The following TRRAP variants were observed in gnomAD, a reference collection of about 807,000 sequenced individuals.
TRRAP encodes the protein transformation/transcription domain-associated protein.
Under a neutral mutation model 438.8 loss-of-function variants are expected in TRRAP, and 41 were observed. That is an observed-to-expected ratio of 0.09 (90% CI 0.07 to 0.12). The LOEUF (loss-of-function observed/expected upper bound fraction) is 0.12. Among genes scored for constraint, TRRAP ranks in the 10% least tolerant of loss-of-function variants. TRRAP has a pLI of 1.00. For missense variants in TRRAP, 3,122 were observed against 5,055.1 expected, an observed-to-expected ratio of 0.62 and a Z score of 11.60; for synonymous variants, 1,994 against 1,962.9, an observed-to-expected ratio of 1.02 and a Z score of -0.42.
Position 98,958,009 on chromosome 7 carries a change from G to A in TRRAP, c.6260G>A (p.Gly2087Glu), listed in dbSNP as rs908254361. 4.0e-5 allele frequency: 64 copies of A among 1,614,022 alleles called. No individual in the cohort carries two copies. The highest frequency in any genetic ancestry group is 5.2e-5 in the Non-Finnish European group (61 of 1,180,030). ...AVFGRSQSLP[G>E]ADSLLAKPID... ...TTTGGGAGGAGCCAGTCGCTACCTG[G>A]AGCAGACTCTCTCCTCGCCAAGCCC... Residue 2087 changes from glycine (G) to glutamate (E), a missense_variant, in exon 44 of 73, where the codon GGA becomes GAA. By Grantham distance (98) the Gly-to-Glu change is moderately conservative (BLOSUM62 -2). Around this residue, in one of 24 missense-constraint regions of TRRAP, gnomAD observed 992 missense variants for 1,281.2 expected, o/e 0.77. Transcript: ENST00000456197.
chr7:98,922,052 C>CG, intron 21 of TRRAP, 99 bp downstream of exon 21: 1 of 1,485,488 alleles, frequency 6.7e-7, no homozygotes, highest in Non-Finnish European at 9.2e-7. Context: ...TAGGCAATCT[C>CG]TGAGTAGAAC....
At chr7:98,929,388 G>A (rs1554412310) in intron 23 of TRRAP, among the ~76,000 whole-genome samples, 1 of 152,066 alleles carries the variant, frequency 6.6e-6, no homozygotes, top group Non-Finnish European at 1.5e-5. Context: ...TTATGAAAGT[G>A]GCAAAGTGGC....
chr7:98,989,672 T>A (rs219821), intron 63 of TRRAP, among the ~76,000 whole-genome samples: 1 of 152,214 alleles, frequency 6.6e-6, no homozygotes. Flanking sequence ...CACGCACTGC[T>A]TCAGTGCCTG....
At chr7:98,907,302 A>G (rs1268751216) in intron 13 of TRRAP, among the ~76,000 whole-genome samples, 1 of 152,138 alleles carries the variant, frequency 6.6e-6, no homozygotes, top group East Asian at 1.9e-4. Flanking sequence ...CAGCCTGGGC[A>G]ATAAGAGTGA....
At position 98,910,598 on chromosome 7, in the gene TRRAP, T is replaced by C; in HGVS notation, c.1803T>C (p.Asp601=). The C allele has an allele frequency of 6.2e-7, 1 of 1,612,972 alleles. No individual in the cohort carries two copies. Among genetic ancestry groups the C allele is most frequent in the Non-Finnish European group, 8.5e-7 (1 of 1,179,588 alleles). The change falls in exon 16 of 73, where the codon GAT becomes GAC. Residue 601 remains aspartate (D), a synonymous_variant. Transcript: ENST00000456197. ...TGAAATATGCAATGCAAGCTTTAGA[T>C]ATTTATCAGGTAAGGAAGTGCCCTC... is the stretch of plus-strand genomic sequence containing the variant. ...KLVKYAMQAL[D]IYQVQIAGNG... is the part of the protein sequence containing the mutation.
Position 98,956,629 on chromosome 7 carries a change from C to T in TRRAP, c.6231+96C>T. On this transcript the variant is annotated intron_variant, in intron 43 of 72. Coordinates refer to ENST00000456197, the MANE Select transcript of TRRAP (RefSeq NM_001375524.1). The surrounding 1 kb of genome is among the most constrained non-coding windows in gnomAD (Gnocchi z 4.5). ...AGAATGTGAGCTCGGTGCTCAGCTG[C>T]ATTCAGGAGAGGAAGCTGGGAACAG... is the stretch of plus-strand genomic sequence containing the variant. The T allele has an allele frequency of 6.6e-7, 1 of 1,512,628 alleles. No individual in the cohort carries two copies. The highest frequency in any genetic ancestry group is 8.8e-7 in the Non-Finnish European group (1 of 1,135,224). 93.7% of individuals were successfully genotyped at this position (1,512,628 alleles called of 1,614,324 possible).
At chr7:98,937,037 G>C (rs559614254) in intron 28 of TRRAP, 119 bp from the exon 29 acceptor site, 412 of 1,284,320 alleles carry the variant, frequency 3.2e-4, no homozygotes, top group Non-Finnish European at 4.0e-4. Flanking sequence ...AGATGAACCT[G>C]GGCAACATAG....
intron 19 of TRRAP, 79 bp from the exon 20 acceptor site, chr7:98,917,344 G>A (rs1789559935): frequency 1.9e-6 from 3 of 1,550,456 alleles, no homozygotes; most frequent in Non-Finnish European, 2.6e-6. Context: ...AGAAGGAGGG[G>A]CAGTTCTTTT....
intron 69 of TRRAP, 70 bp from the exon 70 acceptor site, chr7:99,008,307 C>CG: frequency 1.3e-6 from 2 of 1,515,694 alleles, no homozygotes; most frequent in Non-Finnish European, 1.8e-6. Context: ...CAGTGGCACT[C>CG]TGACGGTGGA....
intron 23 of TRRAP, among the ~76,000 whole-genome samples, chr7:98,927,594 G>A (rs1219202413): frequency 6.6e-6 from 1 of 152,192 alleles, no homozygotes; most frequent in Non-Finnish European, 1.5e-5. Context: ...TTGTAAGATA[G>A]ACCCAATTTA....
At chr7:98,882,148 T>A (rs1405042578) in intron 3 of TRRAP, 124 bp downstream of exon 3, 44 of 878,372 alleles carry the variant, frequency 5.0e-5, no homozygotes, top group Admixed American at 2.9e-4. Flanking sequence ...AGTAATTTAG[T>A]ATATTTCGAA....
intron 48 of TRRAP, 58 bp downstream of exon 48, chr7:98,964,833 C>G (rs993516393): frequency 1.3e-6 from 2 of 1,551,506 alleles, no homozygotes; most frequent in African/African-American, 2.7e-5. Context: ...AGAACAGACT[C>G]TGTTGTGCAG....
chr7:98,908,617 T>A lies in TRRAP; in HGVS notation c.1116-111T>A. The A allele has an allele frequency of 1.1e-6, 1 of 909,352 alleles. No individual in the cohort carries two copies. The allele number at this position is 909,352 out of a possible 1,614,324, so 56.3% of individuals were successfully genotyped here. A position where few individuals can be genotyped will look rare whatever the true frequency, so the allele number is the denominator to read the frequency against. ...ATGTGGTGAAAATGGGCCATGTAAG[T>A]GTGCCGACCCAGGGGTGGTGTTCCT... On this transcript the variant is annotated intron_variant, in intron 13 of 72. Transcript: ENST00000456197. This position sits in a 1 kb window ranked among gnomAD's most constrained non-coding sequence, Gnocchi z 4.1.
intron 23 of TRRAP, among the ~76,000 whole-genome samples, chr7:98,928,845 C>T (rs1562945984): frequency 6.6e-6 from 1 of 151,876 alleles, no homozygotes; most frequent in Admixed American, 6.6e-5. Flanking sequence ...GTGGTCATGG[C>T]TCACTGCAGC....
chr7:98,982,292 A>AG (rs1459260031), intron 59 of TRRAP, among the ~76,000 whole-genome samples: 2 of 152,126 alleles, frequency 1.3e-5, no homozygotes, highest in Non-Finnish European at 2.9e-5. Context: ...CGGGAGCTGG[A>AG]GGGACAGGGT....
At chr7:98,904,766 C>G (rs1416882272) in intron 12 of TRRAP, among the ~76,000 whole-genome samples, 1 of 152,106 alleles carries the variant, frequency 6.6e-6, no homozygotes, top group Non-Finnish European at 1.5e-5. Flanking sequence ...TATTTTGAAG[C>G]CTTTTAGTAG....
At position 98,927,233 on chromosome 7, in the gene TRRAP, C is replaced by G. The variant is rs782417904; in HGVS notation, c.3042C>G (p.Ala1014=). 1 of 1,614,238 alleles carries G rather than the reference C, an allele frequency of 6.2e-7. No individual in the cohort carries two copies. The highest frequency in any genetic ancestry group is 8.5e-7 in the Non-Finnish European group (1 of 1,180,050). The part of the protein sequence containing the change: ...SHRYKAQDTP[A]RKTFEQALTG... ...GCTACAAAGCCCAGGACACTCCAGC[C>G]CGGAAGACTTTTGAGCAGGCCCTGA... is the stretch of plus-strand genomic sequence containing the variant. Residue 1014 remains alanine, a synonymous_variant, in exon 23 of 73, where the codon GCC becomes GCG. Coordinates refer to ENST00000456197, the MANE Select transcript of TRRAP (RefSeq NM_001375524.1).
intron 64 of TRRAP, 117 bp from the exon 65 acceptor site, chr7:98,992,020 C>A: frequency 2.6e-6 from 3 of 1,171,902 alleles, no homozygotes; most frequent in Admixed American, 3.5e-5. Flanking sequence ...CTTCCTTGGT[C>A]CAAAGGCAGA....
Position 98,948,485 on chromosome 7 carries a change from A to G in TRRAP, c.4669-81A>G, listed in dbSNP as rs1791186828. 21 of 1,612,764 alleles carry G rather than the reference A, an allele frequency of 1.3e-5. No homozygotes were observed. The highest frequency in any genetic ancestry group is 1.8e-5 in the Non-Finnish European group (21 of 1,179,682). ...TTGTGGGTGTTCATGCACTCCAGTA[A>G]CAAGGGACCTTGTTAGGTAGACAGC... On this transcript the variant is annotated intron_variant, in intron 34 of 72. Coordinates refer to ENST00000456197, the MANE Select transcript of TRRAP (RefSeq NM_001375524.1). This position sits in a 1 kb window ranked among gnomAD's most constrained non-coding sequence, Gnocchi z 4.9.
Sources: allele counts gnomAD v4.1 joint callset (sites outside exome capture counted in the v4.1 genomes callset), GRCh38; gene constraint gnomAD v4.1.1; regional missense constraint gnomAD v4.1.1; non-coding constraint Gnocchi (gnomAD v3.1); transcripts MANE v1.5; gene names NCBI Gene and HGNC (gene_info 2026-07-23, HGNC 2026-07-21).